Variants in RIC8B observed in about 807,000 individuals in gnomAD.
RIC8B encodes the protein chaperone Ric-8B.
Under a neutral mutation model 57.5 loss-of-function variants are expected in RIC8B, and 16 were observed. That is an observed-to-expected ratio of 0.28 (90% CI 0.19 to 0.42). The LOEUF (loss-of-function observed/expected upper bound fraction) is 0.42, where lower values mean the gene tolerates loss of function less well. Ranked by LOEUF, RIC8B falls within the 10% of genes least tolerant of loss-of-function variation. The pLI, the probability that RIC8B is intolerant of heterozygous loss-of-function variation, is 1.00. For synonymous variants in RIC8B, 216 were observed against 250.8 expected, an observed-to-expected ratio of 0.86 and a Z score of 1.31; for missense variants, 481 against 677.0, an observed-to-expected ratio of 0.71 and a Z score of 3.21.
chr12:106,866,911 G>A (rs982293361), intron 8 of RIC8B, among the ~76,000 whole-genome samples: 20 of 152,052 alleles, frequency 1.3e-4, no homozygotes, highest in African/African-American at 4.3e-4. Flanking sequence ...GAGTAGCTGT[G>A]GTTTCCTTCC....
intron 3 of RIC8B, among the ~76,000 whole-genome samples, chr12:106,817,890 C>T (rs189731218): frequency 1.4e-4 from 21 of 151,340 alleles, no homozygotes; most frequent in African/African-American, 2.9e-4. Flanking sequence ...GCCCATTTAC[C>T]TGGATTTTAA....
chr12:106,867,269 C>T lies in RIC8B; in HGVS notation c.1452-3554C>T, dbSNP rs958512362. Among the ~76,000 whole-genome samples, 6 of 152,120 alleles carry T rather than the reference C, an allele frequency of 3.9e-5. No individual in the cohort carries two copies. The highest frequency in any genetic ancestry group is 1.4e-4 in the African/African-American group (6 of 41,420). On this transcript the variant is annotated intron_variant, in intron 8 of 9. Coordinates refer to ENST00000392837, the MANE Select transcript of RIC8B (RefSeq NM_001330145.2). This position sits in a 1 kb window ranked among gnomAD's most constrained non-coding sequence, Gnocchi z 4.3. ...TCCAGGCCCATAGCTGTTGTCAGTTCATATAATAGTCTTATACAAAATTTA... is the reference window on the plus strand; with the variant it reads ...TCCAGGCCCATAGCTGTTGTCAGTTTATATAATAGTCTTATACAAAATTTA...
At chr12:106,833,353 G>A (rs1341363133) in intron 4 of RIC8B, among the ~76,000 whole-genome samples, 1 of 152,172 alleles carries the variant, frequency 6.6e-6, no homozygotes, top group Non-Finnish European at 1.5e-5. Context: ...TGTAATCCCA[G>A]CACTTTGGGA....
chr12:106,786,703 A>G (rs2044046117), intron 2 of RIC8B, among the ~76,000 whole-genome samples: 1 of 152,226 alleles, frequency 6.6e-6, no homozygotes. Flanking sequence ...CCAGCATTTA[A>G]GGAGTGTTTG....
At chr12:106,808,084 CAA>C (rs35018524) in intron 2 of RIC8B, among the ~76,000 whole-genome samples, 81 of 108,276 alleles carry the variant, frequency 7.5e-4, no homozygotes, top group Non-Finnish European at 7.9e-4. Flanking sequence ...GACTCTGTCT[CAA>C]AAAAAAAAAA....
At chr12:106,826,518 C>A (rs1485454520) in intron 4 of RIC8B, among the ~76,000 whole-genome samples, 2 of 152,152 alleles carry the variant, frequency 1.3e-5, no homozygotes, top group Admixed American at 6.5e-5. Flanking sequence ...CTTTGGGAGT[C>A]CAAGGCCGGT....
intron 2 of RIC8B, among the ~76,000 whole-genome samples, chr12:106,798,950 C>T (rs1433438037): frequency 1.3e-5 from 2 of 152,180 alleles, no homozygotes; most frequent in African/African-American, 4.8e-5. Flanking sequence ...CTACTTGAGT[C>T]ATGTTCTTTT....
rs987988399 is a variant in RIC8B, at chr12:106,818,493, G to A, written c.741+3189G>A. On this transcript the variant is annotated intron_variant, in intron 3 of 9. Coordinates refer to ENST00000392837, the MANE Select transcript of RIC8B (RefSeq NM_001330145.2). ...TTTTTTAACTAAAGAACAGGGTCTT[G>A]TCTGTTGCCTAGGCTGGAATGCAGT... 2.0e-4 allele frequency among the ~76,000 whole-genome samples: 31 copies of A among 151,762 alleles called. 1 individual carries two copies. The highest frequency in any genetic ancestry group is 6.8e-4 in the African/African-American group (28 of 41,376).
intron 2 of RIC8B, among the ~76,000 whole-genome samples, chr12:106,814,263 A>G (rs1409140531): frequency 6.6e-6 from 1 of 152,160 alleles, no homozygotes; most frequent in African/African-American, 2.4e-5. Flanking sequence ...TTTGTCAGCA[A>G]AAGTTCTTCT....
chr12:106,866,305 A>T (rs1427261582), intron 8 of RIC8B, among the ~76,000 whole-genome samples: 1 of 152,204 alleles, frequency 6.6e-6, no homozygotes, highest in Non-Finnish European at 1.5e-5. Context: ...CCTCAGCATT[A>T]GGATACCAAG....
intron 2 of RIC8B, among the ~76,000 whole-genome samples, chr12:106,813,749 T>C (rs558022130): frequency 6.6e-6 from 1 of 152,242 alleles, no homozygotes; most frequent in African/African-American, 2.4e-5. Flanking sequence ...GTAATAGTAG[T>C]TGTTGTTTTT....
chr12:106,798,110 T>C (rs1398101533), intron 2 of RIC8B: 1 of 713,520 alleles, frequency 1.4e-6, no homozygotes, highest in Non-Finnish European at 2.6e-6. Context: ...AAGATAGCTG[T>C]GTAGTACTGG....
At chr12:106,840,948 T>A (rs1233329372) in intron 4 of RIC8B, among the ~76,000 whole-genome samples, 1 of 152,198 alleles carries the variant, frequency 6.6e-6, no homozygotes, top group Non-Finnish European at 1.5e-5. Context: ...AAAATAATTC[T>A]AAGGTAGAGT....
intron 4 of RIC8B, among the ~76,000 whole-genome samples, chr12:106,829,727 G>A (rs370441799): frequency 2.0e-4 from 31 of 152,112 alleles, no homozygotes; most frequent in African/African-American, 6.3e-4. Context: ...ATCCTTCTCC[G>A]TAACTCTTTT....
rs1950832873 is a variant in RIC8B, at chr12:106,879,603, A to G, written c.1572-6301A>G. 2.0e-6 allele frequency: 2 copies of G among 985,206 alleles called. No individual in the cohort carries two copies. Among genetic ancestry groups the G allele is most frequent in the Non-Finnish European group, 2.4e-6 (2 of 829,902 alleles). 61.0% of individuals were successfully genotyped at this position (985,206 alleles called of 1,614,324 possible). A position where few individuals can be genotyped will look rare whatever the true frequency, so the allele number is the denominator to read the frequency against. On this transcript the variant is annotated intron_variant, in intron 9 of 9. Coordinates refer to ENST00000392837, the MANE Select transcript of RIC8B (RefSeq NM_001330145.2). The surrounding 1 kb of genome is among the most constrained non-coding windows in gnomAD (Gnocchi z 4.9). Reference sequence around the variant, plus strand: ...CGTATCTCCCATCCCTAGCTCTTTAAGAAATTATTTTTTTGGTTTCCATTA... The same window carrying G: ...CGTATCTCCCATCCCTAGCTCTTTAGGAAATTATTTTTTTGGTTTCCATTA...
chr12:106,825,876 T>C (rs1308978608), intron 4 of RIC8B, 56 bp downstream of exon 4: 2 of 1,151,752 alleles, frequency 1.7e-6, no homozygotes, highest in Non-Finnish European at 2.6e-6. Flanking sequence ...TGTTCTTGGT[T>C]TTATGCATCT....
At chr12:106,846,246 GATTTTCA>G (rs1380505372) in intron 6 of RIC8B, among the ~76,000 whole-genome samples, 1 of 152,080 alleles carries the variant, frequency 6.6e-6, no homozygotes, top group African/African-American at 2.4e-5. Context: ...CTAATATCTT[GATTTTCA>G]TCCCTCCAAC....
At chr12:106,797,209 A>G (rs946693843) in intron 2 of RIC8B, among the ~76,000 whole-genome samples, 1 of 152,208 alleles carries the variant, frequency 6.6e-6, no homozygotes, top group Admixed American at 6.5e-5. Flanking sequence ...CTTGTACACA[A>G]ATATTCATGG....
chr12:106,826,794 A>G (rs2136335500), intron 4 of RIC8B, among the ~76,000 whole-genome samples: 1 of 152,302 alleles, frequency 6.6e-6, no homozygotes, highest in African/African-American at 2.4e-5. Flanking sequence ...AATAAAATAT[A>G]TAAAATAGTT....
Sources: gnomAD v4.1 joint callset for allele counts (sites outside exome capture counted in the v4.1 genomes callset) on GRCh38, gnomAD v4.1.1 for gene constraint, Gnocchi (gnomAD v3.1) non-coding constraint, MANE v1.5 for transcripts, NCBI Gene and HGNC (gene_info 2026-07-23, HGNC 2026-07-21) for gene names.